Variants in PDS5B observed in about 807,000 individuals in gnomAD.
The protein encoded by PDS5B is sister chromatid cohesion protein PDS5 homolog B.
In PDS5B, 51 loss-of-function variants were observed where a neutral mutation model predicts 184.1. The ratio of observed to expected loss-of-function variants is 0.28; its 90% CI spans 0.22 to 0.35. PDS5B has a LOEUF of 0.35. Among genes scored for constraint, PDS5B ranks in the 10% least tolerant of loss-of-function variants. PDS5B has a pLI of 1.00. For missense variants in PDS5B, 1,180 were observed against 1,723.3 expected, an observed-to-expected ratio of 0.68 and a Z score of 5.58; for synonymous variants, 566 against 569.2, an observed-to-expected ratio of 0.99 and a Z score of 0.08.
intron 15 of PDS5B, among the ~76,000 whole-genome samples, chr13:32,698,196 TGAAA>T (rs1323350794): frequency 1.3e-5 from 2 of 152,180 alleles, no homozygotes; most frequent in African/African-American, 2.4e-5. Context: ...AATGCTAAAT[TGAAA>T]GAGTTTTCTT....
chr13:32,631,717 A>G (rs1339211100), intron 1 of PDS5B, among the ~76,000 whole-genome samples: 1 of 152,238 alleles, frequency 6.6e-6, no homozygotes, highest in Non-Finnish European at 1.5e-5. Flanking sequence ...TCAGTTGGAT[A>G]TAGTATAGGC....
rs201371030 is a variant in PDS5B at position 32,773,211 on chromosome 13, G to A, written c.4195G>A (p.Ala1399Thr). The A allele has an allele frequency of 2.3e-5, 37 of 1,612,682 alleles. No homozygotes were observed. In the Admixed American group the frequency reaches 2.8e-4, roughly 12 times the overall value. The change falls in exon 34 of 35, where the codon GCA becomes ACA. Residue 1399 changes from alanine to threonine, a missense_variant. Ala to Thr is a moderately conservative substitution (Grantham distance 58). This residue lies in a region of PDS5B where 465 missense variants were observed against 497.8 expected (regional missense o/e 0.93). Coordinates refer to ENST00000315596, the MANE Select transcript of PDS5B (RefSeq NM_015032.4). The stretch of plus-strand genomic sequence containing the variant: ...TAGCCGTGTAGGACGCTCCAAACAA[G>A]CAGCTACTAAGGAAAATGATTCAAG... ...KNVRVGRSKQ[A>T]ATKENDSSEE...
At chr13:32,698,173 T>C (rs1278286489) in intron 15 of PDS5B, among the ~76,000 whole-genome samples, 1 of 152,284 alleles carries the variant, frequency 6.6e-6, no homozygotes, top group East Asian at 1.9e-4. Flanking sequence ...TTCATTGTCA[T>C]ATATGTTTAT....
chr13:32,667,600 G>T (rs1165750501), intron 6 of PDS5B, among the ~76,000 whole-genome samples, 164 bp from the exon 7 acceptor site: 1 of 152,100 alleles, frequency 6.6e-6, no homozygotes, highest in Non-Finnish European at 1.5e-5. Flanking sequence ...GATCCAGTAG[G>T]CCAGTTAGTC....
intron 1 of PDS5B, among the ~76,000 whole-genome samples, chr13:32,631,315 A>G (rs971052771): frequency 2.0e-5 from 3 of 150,192 alleles, no homozygotes; most frequent in African/African-American, 7.4e-5. Context: ...CTGGTCTCAA[A>G]CTCCTGGGCT....
chr13:32,648,306 A>G (rs1040719938), intron 1 of PDS5B, among the ~76,000 whole-genome samples: 11 of 152,166 alleles, frequency 7.2e-5, no homozygotes, highest in African/African-American at 1.9e-4. Flanking sequence ...CCCTTGCCCT[A>G]TAAGACCATC....
chr13:32,693,662 ATAT>A (rs1951617287), intron 13 of PDS5B, among the ~76,000 whole-genome samples: 3 of 149,448 alleles, frequency 2.0e-5, no homozygotes. Context: ...CTATATGTTA[ATAT>A]TATTTATATA....
At chr13:32,587,069 G>A (rs2057695955) in intron 1 of PDS5B, among the ~76,000 whole-genome samples, 1 of 147,082 alleles carries the variant, frequency 6.8e-6, no homozygotes, top group Admixed American at 6.7e-5. Flanking sequence ...GCGGCAGGCG[G>A]GCGGCGCGGT....
At chr13:32,722,281 GT>G (rs1242137911) in intron 19 of PDS5B, among the ~76,000 whole-genome samples, 1 of 152,254 alleles carries the variant, frequency 6.6e-6, no homozygotes, top group African/African-American at 2.4e-5. Flanking sequence ...AGGCAGGGAG[GT>G]TGCAGTGAGC....
intron 10 of PDS5B, among the ~76,000 whole-genome samples, chr13:32,683,293 G>A (rs1357113227): frequency 1.3e-5 from 2 of 150,834 alleles, no homozygotes; most frequent in East Asian, 3.9e-4. Flanking sequence ...ACAGGTGTGA[G>A]CTACCACGCC....
Position 32,659,157 on chromosome 13 carries a change from T to C in PDS5B, c.501T>C (p.Asn167=), listed in dbSNP as rs1950585474. The stretch of plus-strand genomic sequence containing the variant: ...CAAAATCTGTTTTGAATTGCAGCAA[T>C]GGCCACAATCAGAAAGTCCATATGC... ...LYRTLFSVIN[N]GHNQKVHMHM... is the part of the protein sequence containing the mutation. The change falls in exon 6 of 35, where the codon AAT becomes AAC. Residue 167 remains asparagine, a synonymous_variant. Transcript: ENST00000315596. 2 of 1,546,400 alleles carry C rather than the reference T, an allele frequency of 1.3e-6. No homozygotes were observed. Among genetic ancestry groups the C allele is most frequent in the Non-Finnish European group, 1.8e-6 (2 of 1,137,104 alleles).
In PDS5B at chr13:32,696,910, A is replaced by AT; in HGVS notation, c.1600+12dup. On this transcript the variant is annotated intron_variant, in intron 15 of 34. Coordinates refer to ENST00000315596, the MANE Select transcript of PDS5B (RefSeq NM_015032.4). ...AAGTGATGGTTATTACAAGTAAGTT[A>AT]TTTTAAAATCTGTATAAAAATGTAA... 2 of 1,481,952 alleles carry AT rather than the reference A, an allele frequency of 1.3e-6. No individual in the cohort carries two copies. The allele number at this position is 1,481,952 out of a possible 1,614,324, so 91.8% of individuals were successfully genotyped here.
intron 1 of PDS5B, among the ~76,000 whole-genome samples, chr13:32,618,587 T>A (rs184501771): frequency 7.9e-4 from 121 of 152,256 alleles, no homozygotes; most frequent in Non-Finnish European, 1.5e-3. Context: ...CTGGAGAAGG[T>A]CACATACCTT....
chr13:32,674,495 A>G (rs2140766423), intron 8 of PDS5B, among the ~76,000 whole-genome samples: 1 of 152,224 alleles, frequency 6.6e-6, no homozygotes, highest in South Asian at 2.1e-4. Flanking sequence ...CCACACCTCT[A>G]ATTATTTGTT....
At chr13:32,694,911 T>C (rs1203761899) in intron 14 of PDS5B, among the ~76,000 whole-genome samples, 1 of 151,684 alleles carries the variant, frequency 6.6e-6, no homozygotes, top group Non-Finnish European at 1.5e-5. Context: ...TAAAAAGCAG[T>C]GCGCCTGGTC....
At position 32,753,482 on chromosome 13, in the gene PDS5B, G is replaced by A; in HGVS notation, c.2887G>A (p.Val963Met). 1.2e-6 allele frequency: 2 copies of A among 1,613,818 alleles called. No individual in the cohort carries two copies. The highest frequency in any genetic ancestry group is 1.7e-6 in the Non-Finnish European group (2 of 1,179,802). Reference protein sequence around the residue: ...ERRAHARQCLVKNINVRREYL... With the variant: ...ERRAHARQCLMKNINVRREYL... ...AAGAGCTCATGCTAGGCAATGTTTG[G>A]TGAAAAATATAAATGTAAGGCGGGA... is the stretch of plus-strand genomic sequence containing the variant. Residue 963 changes from valine to methionine, a missense_variant, in exon 25 of 35, where the codon GTG becomes ATG. This residue lies in a region of PDS5B where 40 missense variants were observed against 107.2 expected (regional missense o/e 0.37). Transcript: ENST00000315596.
chr13:32,737,537 A>G (rs1339328148), intron 21 of PDS5B, among the ~76,000 whole-genome samples: 3 of 152,114 alleles, frequency 2.0e-5, no homozygotes, highest in Non-Finnish European at 2.9e-5. Context: ...TTCCCTCCTT[A>G]TTTGAAACTT....
At chr13:32,668,392 A>G (rs1433172877) in intron 7 of PDS5B, among the ~76,000 whole-genome samples, 1 of 152,204 alleles carries the variant, frequency 6.6e-6, no homozygotes, top group African/African-American at 2.4e-5. Context: ...GAGACCTTTC[A>G]GTATCACCCC....
In PDS5B at chr13:32,696,833, AT is replaced by A. The variant is rs367730081; in HGVS notation, c.1552-14del. 0.013 allele frequency: 20,193 copies of A among 1,581,182 alleles called. 405 individuals are homozygous for A. Among genetic ancestry groups the A allele is most frequent in the South Asian group, 0.066 (5,756 of 87,846 alleles). ...TCTTGTTAGGGAATTTTAATTTTGC[AT>A]TTTTTTGTGTGATTTACAGACAGAT... On this transcript the variant is annotated intron_variant, in intron 14 of 34. Coordinates refer to ENST00000315596, the MANE Select transcript of PDS5B (RefSeq NM_015032.4).
Sources: gnomAD v4.1 joint callset for allele counts (sites outside exome capture counted in the v4.1 genomes callset) on GRCh38, gnomAD v4.1.1 for gene constraint, gnomAD v4.1.1 regional missense constraint, MANE v1.5 for transcripts, NCBI Gene and HGNC (gene_info 2026-07-23, HGNC 2026-07-21) for gene names.